JMJD1C: variants seen among roughly 807,000 people sequenced by gnomAD.
JMJD1C encodes the protein jumonji domain containing 1C, also known as jumonji domain-containing protein 1C.
In JMJD1C, 31 loss-of-function variants were observed where a neutral mutation model predicts 245.3. The observed-to-expected ratio is 0.13, with a 90% CI of 0.09 to 0.17. JMJD1C has a LOEUF of 0.17. JMJD1C is among the 10% of genes least tolerant of loss of function. The probability of loss-of-function intolerance (pLI) is 1.00; values close to 1 mark genes in which losing one functional copy is unlikely to be tolerated. For missense variants in JMJD1C, 2,691 were observed against 3,000.2 expected, an observed-to-expected ratio of 0.90 and a Z score of 2.41; for synonymous variants, 1,057 against 1,017.4, an observed-to-expected ratio of 1.04 and a Z score of -0.74.
chr10:63,349,781 C>A (rs7895348), intron 2 of JMJD1C, among the ~76,000 whole-genome samples: 130,532 of 152,154 alleles, frequency 0.86, 56,701 homozygotes, highest in African/African-American at 0.96. Context: ...AGAAGCGCTA[C>A]ACAGTTAGGT....
chr10:63,521,586 C>A (rs1430099096), intron 1 of JMJD1C: 2 of 1,416,440 alleles, frequency 1.4e-6, no homozygotes, highest in Admixed American at 2.6e-5. Flanking sequence ...GTGTAAGTGC[C>A]TCTCACTGCG....
chr10:63,340,271 A>G (rs1384117921), intron 2 of JMJD1C, among the ~76,000 whole-genome samples: 1 of 152,192 alleles, frequency 6.6e-6, no homozygotes, highest in Non-Finnish European at 1.5e-5. Flanking sequence ...TTTAGCTGCA[A>G]TATATCTTTT....
rs1589167008 is a variant in JMJD1C, at chr10:63,214,247, T to C, written c.1920A>G (p.Pro640=). The change falls in exon 8 of 26, where the codon CCA becomes CCG. Residue 640 remains proline (P), a synonymous_variant. Transcript: ENST00000399262. ...TTTTGGGTTTAACAACTTCAGGTGA[T>C]GGGCTGGATTTTATCTTGTGAGTAT... is the stretch of plus-strand genomic sequence containing the variant. ...SVDTHKIKSS[P]SPEVVKPKIT... 7 of 1,613,948 alleles carry C rather than the reference T, an allele frequency of 4.3e-6. No homozygotes were observed. In the South Asian group the frequency reaches 7.7e-5, roughly 18 times the overall value.
rs1196163427 is a variant in JMJD1C at position 63,213,511 on chromosome 10, G to C, written c.2656C>G (p.Pro886Ala). Residue 886 changes from proline to alanine, a missense_variant, in exon 8 of 26, where the codon CCA becomes GCA. By Grantham distance (27) the Pro-to-Ala change is conservative. Transcript: ENST00000399262. ...GCTTCAGCATTAACTGCATTTTCTG[G>C]GTGAACCCACTTAGAAGAAGGCAAA... ...LGLPSSKWVH[P>A]ENAVNAEASL... is the part of the protein sequence containing the mutation. The C allele has an allele frequency of 6.2e-7, 1 of 1,605,460 alleles. No individual in the cohort carries two copies.
intron 16 of JMJD1C, among the ~76,000 whole-genome samples, chr10:63,191,373 A>G (rs1038411067): frequency 8.5e-5 from 13 of 152,092 alleles, no homozygotes; most frequent in African/African-American, 2.4e-4. Flanking sequence ...ACCTCAAATG[A>G]TCTGCCCACC....
At chr10:63,305,627 G>GGTGTGTGT (rs1420500276) in intron 2 of JMJD1C, among the ~76,000 whole-genome samples, 30 of 58,718 alleles carry the variant, frequency 5.1e-4, no homozygotes, top group Non-Finnish European at 8.8e-4. Context: ...CCACCATGCT[G>GGTGTGTGT]GCGTGTGTGT....
At chr10:63,204,991 G>A (rs552825872) in intron 10 of JMJD1C, 3 of 985,150 alleles carry the variant, frequency 3.0e-6, no homozygotes, top group East Asian at 1.1e-4. Context: ...ATGAACACAC[G>A]GACATAGTGA....
In JMJD1C at chr10:63,190,971, T is replaced by C; in HGVS notation, c.6214A>G (p.Thr2072Ala). 1.2e-6 allele frequency: 2 copies of C among 1,614,162 alleles called. No homozygotes were observed. The highest frequency in any genetic ancestry group is 1.7e-6 in the Non-Finnish European group (2 of 1,179,990). ...QGSTLRDLLT[T>A]TAGKLRVGST... ...CCCACACGTAGCTTTCCAGCTGTTG[T>C]AGTCAGCAAATCCCGTAAGGTTGAG... is the stretch of plus-strand genomic sequence containing the variant. Residue 2072 changes from threonine (T) to alanine (A), a missense_variant, in exon 17 of 26, where the codon ACA (threonine) becomes GCA (alanine). This residue lies in a region of JMJD1C where 275 missense variants were observed against 285.5 expected (regional missense o/e 0.96). Transcript: ENST00000399262.
At chr10:63,437,712 T>C (rs1338801559) in intron 1 of JMJD1C, among the ~76,000 whole-genome samples, 1 of 152,234 alleles carries the variant, frequency 6.6e-6, no homozygotes, top group Non-Finnish European at 1.5e-5. Context: ...GTAAACTCAC[T>C]TTATCAGGCT....
At chr10:63,440,197 T>C (rs921630101) in intron 1 of JMJD1C, among the ~76,000 whole-genome samples, 1 of 152,014 alleles carries the variant, frequency 6.6e-6, no homozygotes, top group African/African-American at 2.4e-5. Context: ...TAGCTAAGCA[T>C]GGTGGCAGGC....
At position 63,207,111 on chromosome 10, in the gene JMJD1C, T is replaced by C. The variant is rs1428715352; in HGVS notation, c.4558A>G (p.Ser1520Gly). Residue 1520 changes from serine (S) to glycine (G), a missense_variant, in exon 10 of 26, where the codon AGC becomes GGC. Coordinates refer to ENST00000399262, the MANE Select transcript of JMJD1C (RefSeq NM_032776.3). ...TTAATTGTACTACAGATTACAGTGC[T>C]ATCCAGAGGAAGGGAGGCTGAAAGT... ...QTLSASLPLD[S>G]TVICSTINKA... 1 of 1,614,118 alleles carries C rather than the reference T, an allele frequency of 6.2e-7. No individual in the cohort carries two copies. Among genetic ancestry groups the C allele is most frequent in the Non-Finnish European group, 8.5e-7 (1 of 1,180,046 alleles).
chr10:63,384,950 T>C (rs1417567244), intron 1 of JMJD1C, among the ~76,000 whole-genome samples: 2 of 152,226 alleles, frequency 1.3e-5, no homozygotes, highest in African/African-American at 2.4e-5. Context: ...GGCTTTGACA[T>C]GCCTTCCTCG....
intron 2 of JMJD1C, among the ~76,000 whole-genome samples, chr10:63,298,926 T>C (rs1197650189): frequency 6.6e-6 from 1 of 152,080 alleles, no homozygotes; most frequent in Non-Finnish European, 1.5e-5. Context: ...AGACAAGGTT[T>C]CTCCATGTTG....
At chr10:63,442,835 C>A (rs535989422) in intron 1 of JMJD1C, among the ~76,000 whole-genome samples, 1 of 151,176 alleles carries the variant, frequency 6.6e-6, no homozygotes, top group South Asian at 2.1e-4. Flanking sequence ...TAATCCAATC[C>A]TTAAGTATTG....
chr10:63,246,080 T>C (rs955797964), intron 3 of JMJD1C, among the ~76,000 whole-genome samples: 3 of 152,000 alleles, frequency 2.0e-5, no homozygotes, highest in Non-Finnish European at 4.4e-5. Flanking sequence ...AAAAGACATA[T>C]ACAAAATTAC....
intron 2 of JMJD1C, among the ~76,000 whole-genome samples, chr10:63,328,269 C>G (rs1258541808): frequency 1.4e-5 from 2 of 147,976 alleles, no homozygotes; most frequent in Non-Finnish European, 2.9e-5. Flanking sequence ...AAGCAAAACT[C>G]CATCTCAAAG....
chr10:63,410,581 T>G (rs1391629124), intron 1 of JMJD1C, among the ~76,000 whole-genome samples: 1 of 152,192 alleles, frequency 6.6e-6, no homozygotes, highest in Non-Finnish European at 1.5e-5. Flanking sequence ...CAGAAATCAG[T>G]CCTAACTTCT....
chr10:63,280,068 T>A (rs1040097903), intron 2 of JMJD1C, among the ~76,000 whole-genome samples: 7 of 151,844 alleles, frequency 4.6e-5, no homozygotes, highest in African/African-American at 1.7e-4. Context: ...GGAGAATCAC[T>A]TGAACCCGGG....
At chr10:63,170,258 G>A (rs1842226104) in intron 24 of JMJD1C, among the ~76,000 whole-genome samples, 1 of 152,138 alleles carries the variant, frequency 6.6e-6, no homozygotes, top group Non-Finnish European at 1.5e-5. Context: ...GCTTCCCGGG[G>A]AAGGTTTTTG....
Sources: gnomAD v4.1 joint callset for allele counts (sites outside exome capture counted in the v4.1 genomes callset) on GRCh38, gnomAD v4.1.1 for gene constraint, gnomAD v4.1.1 regional missense constraint, MANE v1.5 for transcripts, NCBI Gene and HGNC (gene_info 2026-07-23, HGNC 2026-07-21) for gene names.